The following SLC71A2 variants were observed in gnomAD, a reference collection of about 807,000 sequenced individuals.
SLC71A2 encodes the protein solute carrier family 71 member 2.
the SLC71A2 span, chr9:94,454,135 G>C: frequency 1.5e-5 from 18 of 1,163,444 alleles, 1 homozygote; most frequent in African/African-American, 2.7e-4. Context: ...GCTTGGGGTG[G>C]TTGGGTGTGA....
the SLC71A2 span, chr9:94,447,056 C>A: frequency 1.7e-6 from 1 of 584,804 alleles, no homozygotes; most frequent in Non-Finnish European, 3.1e-6. Flanking sequence ...CTTCTAGTTA[C>A]AAATGTAGGT....
At chr9:94,428,554 A>T in the SLC71A2 span, among the ~76,000 whole-genome samples, 1 of 150,968 alleles carries the variant, frequency 6.6e-6, no homozygotes. Context: ...AGGAAGGTAC[A>T]GAGATTTCCC....
the SLC71A2 span, among the ~76,000 whole-genome samples, chr9:94,383,677 A>C: frequency 6.6e-6 from 1 of 152,202 alleles, no homozygotes; most frequent in Non-Finnish European, 1.5e-5. Context: ...TTAGCCTGGC[A>C]ATTTCCACAA....
the SLC71A2 span, among the ~76,000 whole-genome samples, chr9:94,389,453 T>G: frequency 2.0e-5 from 3 of 151,540 alleles, no homozygotes; most frequent in South Asian, 2.1e-4. Context: ...TATATATATT[T>G]TTTTCAGTAG....
the SLC71A2 span, among the ~76,000 whole-genome samples, chr9:94,391,071 G>T: frequency 1.3e-5 from 2 of 151,834 alleles, no homozygotes; most frequent in Admixed American, 1.3e-4. Flanking sequence ...CTGGACCAGG[G>T]TCTTGACCTA....
chr9:94,429,886 T>C, the SLC71A2 span, among the ~76,000 whole-genome samples: 1 of 151,780 alleles, frequency 6.6e-6, no homozygotes, highest in Non-Finnish European at 1.5e-5. Context: ...TTGATAGCAT[T>C]CTTTTTCCTC....
chr9:94,451,224 T>A, the SLC71A2 span, among the ~76,000 whole-genome samples: 1 of 152,164 alleles, frequency 6.6e-6, no homozygotes, highest in East Asian at 1.9e-4. Context: ...GGTAGACATA[T>A]AATAGAAAAT....
the SLC71A2 span, among the ~76,000 whole-genome samples, chr9:94,381,330 C>G: frequency 2.9e-4 from 44 of 151,698 alleles, no homozygotes; most frequent in Admixed American, 6.6e-5. Flanking sequence ...GCTACTGCCC[C>G]CAGCTGGTTT....
At chr9:94,424,508 T>A in the SLC71A2 span, among the ~76,000 whole-genome samples, 1 of 152,104 alleles carries the variant, frequency 6.6e-6, no homozygotes, top group Non-Finnish European at 1.5e-5. Context: ...GTGCTGGGAT[T>A]GCAGGTGTGA....
chr9:94,389,286 G>A, the SLC71A2 span, among the ~76,000 whole-genome samples: 2 of 149,554 alleles, frequency 1.3e-5, no homozygotes, highest in Non-Finnish European at 3.0e-5. Flanking sequence ...TTTTTTTTGA[G>A]ACAGAGTCTC....
chr9:94,419,566 A>G, the SLC71A2 span, among the ~76,000 whole-genome samples: 1 of 152,036 alleles, frequency 6.6e-6, no homozygotes, highest in Non-Finnish European at 1.5e-5. Context: ...CGGCCTCCCA[A>G]AGTGCTGGGA....
the SLC71A2 span, among the ~76,000 whole-genome samples, chr9:94,442,939 G>GA: frequency 3.3e-5 from 5 of 152,208 alleles, no homozygotes; most frequent in African/African-American, 1.2e-4. Context: ...AAGAAGGTAG[G>GA]TTGTTCAAGT....
the SLC71A2 span, among the ~76,000 whole-genome samples, chr9:94,419,118 GT>G: frequency 2.9e-4 from 42 of 144,490 alleles, no homozygotes; most frequent in East Asian, 1.0e-3. Flanking sequence ...GCAATTTTGG[GT>G]TTTTTTTTTT....
chr9:94,415,045 G>T, the SLC71A2 span: 2 of 708,844 alleles, frequency 2.8e-6, no homozygotes, highest in South Asian at 3.5e-5. Flanking sequence ...TTAAATGACA[G>T]AGGTAGGCCC....
At chr9:94,387,419 G>T in the SLC71A2 span, among the ~76,000 whole-genome samples, 2 of 142,954 alleles carry the variant, frequency 1.4e-5, no homozygotes, top group African/African-American at 2.7e-5. Context: ...TGTCTCACCT[G>T]GTTTGCTATT....
chr9:94,392,525 G>A, the SLC71A2 span, among the ~76,000 whole-genome samples: 2 of 151,202 alleles, frequency 1.3e-5, no homozygotes, highest in Non-Finnish European at 2.9e-5. Context: ...TTTTTGAGAC[G>A]GAGTCTCACT....
the SLC71A2 span, among the ~76,000 whole-genome samples, chr9:94,426,686 T>C: frequency 2.6e-5 from 4 of 152,234 alleles, no homozygotes; most frequent in Non-Finnish European, 4.4e-5. Flanking sequence ...TTTATAGTTA[T>C]TGTTTTAAAA....
chr9:94,418,063 A>G, the SLC71A2 span, among the ~76,000 whole-genome samples: 1 of 151,870 alleles, frequency 6.6e-6, no homozygotes, highest in African/African-American at 2.4e-5. Context: ...GGGTTTCACC[A>G]TGTTGGCCAG....
chr9:94,418,308 C>A, the SLC71A2 span, among the ~76,000 whole-genome samples: 2 of 152,060 alleles, frequency 1.3e-5, no homozygotes, highest in Non-Finnish European at 2.9e-5. Flanking sequence ...TTTCTTTGTT[C>A]ATCTTAAATT....
Sources: allele counts gnomAD v4.1 joint callset (sites outside exome capture counted in the v4.1 genomes callset), GRCh38; gene constraint gnomAD v4.1.1; transcripts MANE v1.5; gene names NCBI Gene and HGNC (gene_info 2026-07-23, HGNC 2026-07-21).